Variants in PRKD2 observed in about 807,000 individuals in gnomAD.
The protein encoded by PRKD2 is protein kinase D2, also known as serine/threonine-protein kinase D2.
A neutral mutation model predicts 86.0 loss-of-function variants in PRKD2; 22 were observed. That is an observed-to-expected ratio of 0.26 (90% CI 0.18 to 0.37). The LOEUF is 0.37. Ranked by LOEUF, PRKD2 falls within the 10% of genes least tolerant of loss-of-function variation. The probability of loss-of-function intolerance (pLI) is 1.00; values close to 1 mark genes in which losing one functional copy is unlikely to be tolerated. For synonymous variants in PRKD2, 509 were observed against 510.9 expected (o/e 1.00, Z 0.05); for missense variants, 818 against 1,199.2 (o/e 0.68, Z 4.70).
chr19:46,703,426 A>G (rs1388556404), intron 5 of PRKD2, among the ~76,000 whole-genome samples: 2 of 152,112 alleles, frequency 1.3e-5, no homozygotes, highest in Non-Finnish European at 2.9e-5. Flanking sequence ...CAGGAGTTCA[A>G]GACCAGCCTG....
intron 5 of PRKD2, among the ~76,000 whole-genome samples, chr19:46,701,665 G>GTT (rs1324969996): frequency 6.6e-6 from 1 of 151,640 alleles, no homozygotes; most frequent in African/African-American, 2.4e-5. Flanking sequence ...GTGTGTGTGT[G>GTT]TGTGTGTGTG....
At chr19:46,680,389 A>G (rs1192941538) in intron 15 of PRKD2, among the ~76,000 whole-genome samples, 3 of 151,404 alleles carry the variant, frequency 2.0e-5, no homozygotes, top group African/African-American at 7.3e-5. Flanking sequence ...CCTGGGTTCA[A>G]GCAATTCTCC....
At chr19:46,704,427 C>G (rs1427915066) in intron 4 of PRKD2, 36 bp from the exon 5 acceptor site, 1 of 1,613,684 alleles carries the variant, frequency 6.2e-7, no homozygotes, top group Non-Finnish European at 8.5e-7. Flanking sequence ...CACATCAGTG[C>G]GTTGGCCCCA....
intron 14 of PRKD2, 31 bp from the exon 15 acceptor site, chr19:46,681,779 G>T (rs749936872): frequency 2.1e-6 from 3 of 1,438,448 alleles, no homozygotes; most frequent in African/African-American, 2.8e-5. Flanking sequence ...CAGTAAGAAA[G>T]GTAGATAGGT....
At chr19:46,696,350 G>A (rs73565145) in intron 9 of PRKD2, among the ~76,000 whole-genome samples, 4,505 of 152,190 alleles carry the variant, frequency 0.03, 195 homozygotes, top group African/African-American at 0.088. Context: ...GAGGTCAGAA[G>A]CAAGGACCCT....
Position 46,697,215 on chromosome 19 carries a change from C to A in PRKD2, c.1259G>T (p.Arg420Leu), listed in dbSNP as rs2053572463. The stretch of plus-strand genomic sequence containing the variant: ...GAGCGTGATACACTTGCAGTCCAGG[C>A]GCCAATAGTGCCGCTTTCTCTGCAG... ...KDTLRKRHYW[R>L]LDCKCITLFQ... Residue 420 changes from arginine (R) to leucine (L), a missense_variant, in exon 9 of 18, where the codon CGC (arginine) becomes CTC (leucine). By Grantham distance (102) the Arg-to-Leu change is moderately radical. This residue lies in a region of PRKD2 where 127 missense variants were observed against 157.8 expected (regional missense o/e 0.80). Transcript: ENST00000291281. 2 of 1,596,850 alleles carry A rather than the reference C, an allele frequency of 1.3e-6. No homozygotes were observed. The highest frequency in any genetic ancestry group is 1.7e-6 in the Non-Finnish European group (2 of 1,164,722).
intron 2 of PRKD2, among the ~76,000 whole-genome samples, 194 bp from the exon 3 acceptor site, chr19:46,711,232 C>G (rs893411345): frequency 6.6e-6 from 1 of 152,164 alleles, no homozygotes; most frequent in African/African-American, 2.4e-5. Context: ...ACATATATCC[C>G]TACGCCCTGG....
Position 46,713,995 on chromosome 19 carries a change from CAG to C in PRKD2, c.245_246del (p.Pro82ArgfsTer17). 1 of 1,613,518 alleles carries C rather than the reference CAG, an allele frequency of 6.2e-7. No homozygotes were observed. Among genetic ancestry groups the C allele is most frequent in the Non-Finnish European group, 8.5e-7 (1 of 1,179,776 alleles). ...TCGTAAAGGCCGTAGAAGCCACACTCAGGGAACTGAGGGGCGGGAGAGGGATG... is the reference window on the plus strand; with the variant it reads ...TCGTAAAGGCCGTAGAAGCCACACTCGGAACTGAGGGGCGGGAGAGGGATG... Reference protein sequence around the residue: ...LACSIVDQKFPECGFYGLYDK... With the variant: ...LACSIVDQKFXECGFYGLYDK... On this transcript the variant is annotated frameshift_variant, in exon 2 of 18. Transcript: ENST00000291281. LOFTEE classifies it high-confidence loss of function.
At position 46,700,821 on chromosome 19, in the gene PRKD2, C is replaced by G; in HGVS notation, c.1099G>C (p.Gly367Arg). ...TACCTCTGGGCCTTGCCTCCCTCGC[C>G]TTCCTCCTCCTCACTGGCGTGGAGC... ...NALHASEEEE[G>R]EGGKAQSSLG... The change falls in exon 7 of 18, where the codon GGC becomes CGC. Residue 367 changes from glycine to arginine, a missense_variant. Gly to Arg is a moderately radical substitution (Grantham distance 125). Coordinates refer to ENST00000291281, the MANE Select transcript of PRKD2 (RefSeq NM_016457.5). The G allele has an allele frequency of 6.2e-7, 1 of 1,614,200 alleles. No individual in the cohort carries two copies. The highest frequency in any genetic ancestry group is 8.5e-7 in the Non-Finnish European group (1 of 1,180,004).
intron 12 of PRKD2, 112 bp downstream of exon 12, chr19:46,691,623 G>A (rs79673118): frequency 3.0e-5 from 31 of 1,042,062 alleles, no homozygotes; most frequent in Middle Eastern, 3.1e-4. Flanking sequence ...CATGGGAGGT[G>A]AGCATGTGAC....
At chr19:46,701,853 A>G (rs897565142) in intron 5 of PRKD2, among the ~76,000 whole-genome samples, 1 of 151,910 alleles carries the variant, frequency 6.6e-6, no homozygotes, top group African/African-American at 2.4e-5. Context: ...CAGTAGCACT[A>G]TCCCAGCGTA....
At chr19:46,699,842 G>A (rs1448989955) in intron 7 of PRKD2, among the ~76,000 whole-genome samples, 2 of 151,626 alleles carry the variant, frequency 1.3e-5, no homozygotes, top group African/African-American at 4.9e-5. Context: ...CAGAACTTTG[G>A]GAGGCTGAGG....
chr19:46,700,443 G>A (rs1328847810), intron 7 of PRKD2, among the ~76,000 whole-genome samples: 2 of 151,904 alleles, frequency 1.3e-5, no homozygotes, highest in South Asian at 2.1e-4. Context: ...GACCAGCCTG[G>A]GCAACATAGG....
Position 46,680,946 on chromosome 19 carries a change from A to ATATATATATATATATATATATT in PRKD2, c.2070+703_2070+704insAATATATATATATATATATATA. Among the ~76,000 whole-genome samples, 78 of 48,212 alleles carry ATATATATATATATATATATATT rather than the reference A, an allele frequency of 1.6e-3. 3 individuals are homozygous for ATATATATATATATATATATATT. The highest frequency in any genetic ancestry group is 4.3e-3 in the Admixed American group (14 of 3,252). 31.6% of individuals were successfully genotyped at this position (48,212 alleles called of 152,430 possible). ...AAACTATATATATATATATATATAT[A>ATATATATATATATATATATATT]TTTTTTTTTTTTTTTTTGAGACAGA... On this transcript the variant is annotated intron_variant, in intron 15 of 17. Transcript: ENST00000291281.
intron 14 of PRKD2, among the ~76,000 whole-genome samples, chr19:46,681,954 C>A (rs1368342993): frequency 1.3e-5 from 2 of 151,854 alleles, no homozygotes; most frequent in Admixed American, 1.3e-4. Context: ...GATTCTCCTG[C>A]CTCAGCCTCC....
intron 3 of PRKD2, among the ~76,000 whole-genome samples, chr19:46,705,024 C>T (rs1291746138): frequency 6.6e-6 from 1 of 151,266 alleles, no homozygotes; most frequent in Non-Finnish European, 1.5e-5. Context: ...CTGAACACGC[C>T]TCACACCCAA....
chr19:46,698,293 C>G (rs314663), intron 7 of PRKD2, among the ~76,000 whole-genome samples: 118,685 of 152,070 alleles, frequency 0.78, 47,080 homozygotes, highest in African/African-American at 0.93. Flanking sequence ...CTTAGAATCC[C>G]TTCACGAGAT....
At chr19:46,675,198 G>A (rs2053180320) in intron 16 of PRKD2, 80 bp from the exon 17 acceptor site, 1 of 1,241,362 alleles carries the variant, frequency 8.1e-7, no homozygotes, top group Non-Finnish European at 1.2e-6. Flanking sequence ...TAGCCTACCT[G>A]CCTGCCATCA....
At chr19:46,686,102 C>T (rs1316088769) in intron 14 of PRKD2, 2 of 152,064 alleles carry the variant, frequency 1.3e-5, no homozygotes, top group Non-Finnish European at 2.9e-5. Flanking sequence ...GCTCTGAGAC[C>T]CACAGAGATG....
Sources: gnomAD v4.1 joint callset for allele counts (sites outside exome capture counted in the v4.1 genomes callset) on GRCh38, gnomAD v4.1.1 for gene constraint, gnomAD v4.1.1 regional missense constraint, MANE v1.5 for transcripts, NCBI Gene and HGNC (gene_info 2026-07-23, HGNC 2026-07-21) for gene names.